PCDH10: variants seen among roughly 807,000 people sequenced by gnomAD.
PCDH10 encodes protocadherin 10, also known as protocadherin-10.
Under a neutral mutation model 74.4 loss-of-function variants are expected in PCDH10, and 15 were observed. The observed-to-expected ratio is 0.20, with a 90% CI of 0.13 to 0.31. The LOEUF is 0.31. Ranked by LOEUF, PCDH10 falls within the 10% of genes least tolerant of loss-of-function variation. The probability of loss-of-function intolerance (pLI) is 1.00; values close to 1 mark genes in which losing one functional copy is unlikely to be tolerated. For missense variants in PCDH10, 1,260 were observed against 1,390.2 expected, an observed-to-expected ratio of 0.91 and a Z score of 1.49; for synonymous variants, 619 against 589.8, an observed-to-expected ratio of 1.05 and a Z score of -0.72.
intron 4 of PCDH10, among the ~76,000 whole-genome samples, chr4:133,189,606 A>C (rs2125873595): frequency 6.6e-6 from 1 of 152,226 alleles, no homozygotes; most frequent in Admixed American, 6.6e-5. Flanking sequence ...TTGGTTTTAA[A>C]ATTTTATAAA....
intron 4 of PCDH10, among the ~76,000 whole-genome samples, chr4:133,179,207 T>C (rs1366400411): frequency 6.6e-6 from 1 of 152,132 alleles, no homozygotes; most frequent in East Asian, 1.9e-4. Flanking sequence ...GGCGTATACT[T>C]TGTGTTCCTC....
At chr4:133,182,957 A>T (rs1727447238) in intron 4 of PCDH10, among the ~76,000 whole-genome samples, 1 of 152,088 alleles carries the variant, frequency 6.6e-6, no homozygotes, top group Non-Finnish European at 1.5e-5. Context: ...CAAATATTTT[A>T]ATTTAAAAGT....
intron 4 of PCDH10, among the ~76,000 whole-genome samples, chr4:133,184,981 T>C (rs577653171): frequency 6.8e-6 from 1 of 148,078 alleles, no homozygotes; most frequent in African/African-American, 2.4e-5. Flanking sequence ...TTAATCATAC[T>C]TACTTCTAAT....
At chr4:133,169,824 T>A (rs1727167077) in intron 4 of PCDH10, among the ~76,000 whole-genome samples, 1 of 152,106 alleles carries the variant, frequency 6.6e-6, no homozygotes, top group Non-Finnish European at 1.5e-5. Context: ...CAGACATTTT[T>A]TGGGTGAGTC....
chr4:133,207,264 T>C (rs1343120324), intron 2 of PCDH10, among the ~76,000 whole-genome samples: 1 of 152,164 alleles, frequency 6.6e-6, no homozygotes, highest in Non-Finnish European at 1.5e-5. Flanking sequence ...GGTCATTGCA[T>C]TGGTTTATTT....
rs1450431550 is a variant in PCDH10 at position 133,155,041 on chromosome 4, G to T, written c.2797+18G>T. 6.8e-7 allele frequency: 1 copy of T among 1,469,390 alleles called. No individual in the cohort carries two copies. Among genetic ancestry groups the T allele is most frequent in the Non-Finnish European group, 9.5e-7 (1 of 1,048,222 alleles). 91.0% of individuals were successfully genotyped at this position (1,469,390 alleles called of 1,614,324 possible). On this transcript the variant is annotated intron_variant, in intron 3 of 4. Coordinates refer to ENST00000264360, the MANE Select transcript of PCDH10 (RefSeq NM_032961.3). ...GTCAGCTGGTAAGTGTGATCAAAGG[G>T]CAATCTAAATGCTAACTTTTATAGT... is the stretch of plus-strand genomic sequence containing the variant.
At chr4:133,178,867 G>A (rs1727350308) in intron 4 of PCDH10, among the ~76,000 whole-genome samples, 2 of 151,876 alleles carry the variant, frequency 1.3e-5, no homozygotes, top group Admixed American at 6.6e-5. Context: ...ATATTAGTCT[G>A]TGATCATTAT....
chr4:133,155,796 ACT>A (rs1001904626), intron 3 of PCDH10, among the ~76,000 whole-genome samples: 3 of 152,140 alleles, frequency 2.0e-5, no homozygotes, highest in Non-Finnish European at 4.4e-5. Context: ...GATCCTGGTA[ACT>A]CTTATTACTA....
At chr4:133,173,855 G>C (rs890238852) in intron 4 of PCDH10, among the ~76,000 whole-genome samples, 32 of 151,830 alleles carry the variant, frequency 2.1e-4, no homozygotes, top group African/African-American at 7.5e-4. Context: ...TAAATGCTGA[G>C]TATGAAAATG....
chr4:133,208,527 G>C (rs188295811), exon 3 of PCDH10: 1 of 151,968 alleles, frequency 6.6e-6, no homozygotes, highest in African/African-American at 2.4e-5. Context: ...CCCTGACCTT[G>C]CACACAAAAA....
At chr4:133,159,376 C>T (rs1393273026) in intron 3 of PCDH10, among the ~76,000 whole-genome samples, 1 of 152,016 alleles carries the variant, frequency 6.6e-6, no homozygotes, top group African/African-American at 2.4e-5. Context: ...TCTATCACAT[C>T]AGCTATCATC....
intron 4 of PCDH10, among the ~76,000 whole-genome samples, chr4:133,169,809 T>C (rs1164034319): frequency 1.3e-5 from 2 of 152,016 alleles, no homozygotes; most frequent in Non-Finnish European, 2.9e-5. Context: ...CAGTACTCAA[T>C]GTGCCAGACA....
intron 4 of PCDH10, among the ~76,000 whole-genome samples, chr4:133,186,834 C>T (rs1163769602): frequency 6.6e-6 from 1 of 152,126 alleles, no homozygotes; most frequent in African/African-American, 2.4e-5. Context: ...TCTTGTTCCT[C>T]AGCCTCCGAG....
At chr4:133,187,955 C>A (rs1457006206) in intron 4 of PCDH10, among the ~76,000 whole-genome samples, 1 of 151,974 alleles carries the variant, frequency 6.6e-6, no homozygotes, top group Non-Finnish European at 1.5e-5. Flanking sequence ...TGAATTTATA[C>A]TAAAACATAG....
At chr4:133,195,405 G>A (rs1019092494), downstream of PCDH10, among the ~76,000 whole-genome samples, 3 of 151,994 alleles carry the variant, frequency 2.0e-5, no homozygotes, top group Non-Finnish European at 4.4e-5. Context: ...ACAGAAGAAT[G>A]ATAGTTCTCA....
intron 4 of PCDH10, among the ~76,000 whole-genome samples, chr4:133,169,670 G>A (rs1006653147): frequency 1.3e-5 from 2 of 151,696 alleles, no homozygotes; most frequent in Non-Finnish European, 3.0e-5. Flanking sequence ...ATCTACTTGG[G>A]AATTTTTTCC....
At chr4:133,201,450 T>A (rs937477005) in intron 2 of PCDH10, among the ~76,000 whole-genome samples, 1 of 152,074 alleles carries the variant, frequency 6.6e-6, no homozygotes, top group Non-Finnish European at 1.5e-5. Flanking sequence ...AAAGGCCACA[T>A]TGGGGTTGCA....
intron 3 of PCDH10, among the ~76,000 whole-genome samples, chr4:133,162,518 T>C (rs932653487): frequency 1.3e-5 from 2 of 152,210 alleles, no homozygotes; most frequent in African/African-American, 4.8e-5. Context: ...GTGCTTGGCA[T>C]ATTTCTTATG....
chr4:133,152,483 A>C lies in PCDH10; in HGVS notation c.2343A>C (p.Lys781Asn). 1.9e-6 allele frequency: 3 copies of C among 1,614,082 alleles called. No individual in the cohort carries two copies. The highest frequency in any genetic ancestry group is 2.5e-6 in the Non-Finnish European group (3 of 1,180,006). ...GCCAAGCCCGGGCGCGCAAGAAGAA[A>C]CTCAGCAAGTCAGACATCATGCTGG... Reference protein sequence around the residue: ...CGRQARARKKKLSKSDIMLVQ... With the variant: ...CGRQARARKKNLSKSDIMLVQ... Residue 781 changes from lysine to asparagine, a missense_variant, in exon 1 of 5, where the codon AAA becomes AAC. By Grantham distance (94) the Lys-to-Asn change is moderately conservative. Around this residue, in one of 11 missense-constraint regions of PCDH10, gnomAD observed 587 missense variants for 616.9 expected, o/e 0.95. Transcript: ENST00000264360.
Sources: gnomAD v4.1 joint callset for allele counts (sites outside exome capture counted in the v4.1 genomes callset) on GRCh38, gnomAD v4.1.1 for gene constraint, gnomAD v4.1.1 regional missense constraint, MANE v1.5 for transcripts, NCBI Gene and HGNC (gene_info 2026-07-23, HGNC 2026-07-21) for gene names.